UNC13C: variants seen among roughly 807,000 people sequenced by gnomAD.
UNC13C encodes unc-13 homolog C, also known as protein unc-13 homolog C.
UNC13C carries 174 observed loss-of-function variants against 245.4 expected under a neutral mutation model. That is an observed-to-expected ratio of 0.71 (90% CI 0.63 to 0.80). UNC13C has a LOEUF of 0.80. Among genes scored for constraint, UNC13C ranks in the 30% least tolerant of loss-of-function variants. The probability of loss-of-function intolerance (pLI) is 0.00; values close to 1 mark genes in which losing one functional copy is unlikely to be tolerated. For missense variants in UNC13C, 2,829 were observed against 2,602.9 expected (o/e 1.09, Z -1.89); for synonymous variants, 992 against 895.1 (o/e 1.11, Z -1.93).
chr15:54,558,272 T>C (rs909991183), intron 29 of UNC13C, among the ~76,000 whole-genome samples: 1 of 152,038 alleles, frequency 6.6e-6, no homozygotes, highest in Non-Finnish European at 1.5e-5. Context: ...AGAATGATTA[T>C]TCACCTTTGA....
intron 4 of UNC13C, among the ~76,000 whole-genome samples, chr15:54,194,881 G>C (rs1462285331): frequency 6.6e-6 from 1 of 152,026 alleles, no homozygotes; most frequent in East Asian, 1.9e-4. Flanking sequence ...ACATGTTTTT[G>C]TGAGAAAAAA....
chr15:54,074,275 C>T (rs1307018904), intron 2 of UNC13C, among the ~76,000 whole-genome samples: 2 of 152,054 alleles, frequency 1.3e-5, no homozygotes, highest in Non-Finnish European at 2.9e-5. Context: ...GTTTTGGTTA[C>T]TGTAGCCTTG....
the UNC13C span, among the ~76,000 whole-genome samples, chr15:53,880,618 T>C: frequency 6.6e-6 from 1 of 152,078 alleles, no homozygotes; most frequent in Admixed American, 6.6e-5. Context: ...CCCAGTCTGC[T>C]CTTAAAATGA....
chr15:54,236,919 G>A (rs1307588448), intron 6 of UNC13C, among the ~76,000 whole-genome samples: 1 of 152,078 alleles, frequency 6.6e-6, no homozygotes, highest in Non-Finnish European at 1.5e-5. Flanking sequence ...CCATATGGAG[G>A]TTCTGATTTC....
At chr15:54,353,190 T>G (rs1338900027) in intron 17 of UNC13C, among the ~76,000 whole-genome samples, 2 of 152,300 alleles carry the variant, frequency 1.3e-5, no homozygotes, top group African/African-American at 4.8e-5. Flanking sequence ...CATGGGACTC[T>G]AGCCAGAGAG....
At chr15:54,176,800 G>C (rs1418248791) in intron 4 of UNC13C, among the ~76,000 whole-genome samples, 1 of 152,066 alleles carries the variant, frequency 6.6e-6, no homozygotes, top group Non-Finnish European at 1.5e-5. Flanking sequence ...GGTTCACTAT[G>C]TAGTTATAAT....
At chr15:54,454,906 T>A (rs1391200483) in intron 19 of UNC13C, among the ~76,000 whole-genome samples, 1 of 151,910 alleles carries the variant, frequency 6.6e-6, no homozygotes, top group Non-Finnish European at 1.5e-5. Flanking sequence ...GAGATTTTAG[T>A]GCACCCATCA....
chr15:54,382,710 G>A (rs1404426991), intron 17 of UNC13C, among the ~76,000 whole-genome samples: 1 of 151,960 alleles, frequency 6.6e-6, no homozygotes, highest in African/African-American at 2.4e-5. Flanking sequence ...AATGATAAAG[G>A]TGAGAGCAGA....
chr15:54,299,467 G>A (rs981420712), intron 12 of UNC13C, among the ~76,000 whole-genome samples: 10 of 151,912 alleles, frequency 6.6e-5, no homozygotes, highest in Admixed American at 2.6e-4. Context: ...TTCATCCAGG[G>A]CACTATAATT....
intron 4 of UNC13C, among the ~76,000 whole-genome samples, chr15:54,178,714 G>A (rs2033697125): frequency 6.6e-6 from 1 of 152,120 alleles, no homozygotes. Context: ...TGCAGAACTT[G>A]CACAATATTT....
chr15:54,247,266 G>A (rs1281952438), intron 7 of UNC13C, among the ~76,000 whole-genome samples: 1 of 151,946 alleles, frequency 6.6e-6, no homozygotes, highest in Non-Finnish European at 1.5e-5. Flanking sequence ...CCCCTGCCAT[G>A]CTTTTATTTA....
chr15:54,018,421 T>C (rs1034141762), intron 2 of UNC13C, among the ~76,000 whole-genome samples: 1 of 152,244 alleles, frequency 6.6e-6, no homozygotes, highest in Admixed American at 6.5e-5. Flanking sequence ...TTATTTCAAC[T>C]GTTGTCTTCA....
chr15:54,032,853 AG>A (rs973468681), intron 2 of UNC13C, among the ~76,000 whole-genome samples: 57 of 152,306 alleles, frequency 3.7e-4, no homozygotes, highest in African/African-American at 1.3e-3. Context: ...ATGGGATTGG[AG>A]ACAATTATTC....
intron 30 of UNC13C, among the ~76,000 whole-genome samples, chr15:54,620,991 T>A (rs554568078): frequency 6.6e-6 from 1 of 152,238 alleles, no homozygotes; most frequent in South Asian, 2.1e-4. Flanking sequence ...TTCGTTAGTG[T>A]GAAGGGTTGT....
At chr15:54,464,619 TA>T (rs971019130) in intron 19 of UNC13C, among the ~76,000 whole-genome samples, 1 of 152,132 alleles carries the variant, frequency 6.6e-6, no homozygotes, top group Admixed American at 6.5e-5. Flanking sequence ...ATCTTAAGTT[TA>T]AAAACTTTTA....
At chr15:54,552,779 T>TAATATAATATATAATATATTATATAGTAC (rs1402536221) in intron 28 of UNC13C, among the ~76,000 whole-genome samples, 18 of 90,732 alleles carry the variant, frequency 2.0e-4, no homozygotes, top group Non-Finnish European at 3.1e-4. Flanking sequence ...GTACAATATA[T>TAATATAATATATAATATATTATATAGTAC]AATATAATAT....
intron 2 of UNC13C, among the ~76,000 whole-genome samples, chr15:54,040,426 C>A (rs1436092722): frequency 6.6e-6 from 1 of 152,118 alleles, no homozygotes; most frequent in Non-Finnish European, 1.5e-5. Context: ...ATTCAGGCCC[C>A]ACCCCAGACC....
the UNC13C span, among the ~76,000 whole-genome samples, chr15:53,968,612 T>C: frequency 6.6e-6 from 1 of 152,098 alleles, no homozygotes; most frequent in Admixed American, 6.6e-5. Flanking sequence ...TGAGGAAAGA[T>C]CCTAAATCCC....
the UNC13C span, among the ~76,000 whole-genome samples, chr15:53,879,306 C>G: frequency 6.6e-6 from 1 of 152,070 alleles, no homozygotes; most frequent in Admixed American, 6.6e-5. Flanking sequence ...GGACTACAGG[C>G]ACACACCACC....
Sources: allele counts gnomAD v4.1 joint callset (sites outside exome capture counted in the v4.1 genomes callset), GRCh38; gene constraint gnomAD v4.1.1; transcripts MANE v1.5; gene names NCBI Gene and HGNC (gene_info 2026-07-23, HGNC 2026-07-21).